Variants in SEPTIN4 observed in about 807,000 individuals in gnomAD.
SEPTIN4 encodes the protein septin 4.
Under a neutral mutation model 107.1 loss-of-function variants are expected in SEPTIN4, and 52 were observed. The observed-to-expected ratio is 0.49, with a 90% CI of 0.39 to 0.61. The LOEUF is 0.61. SEPTIN4 is among the 20% of genes least tolerant of loss of function. The probability of loss-of-function intolerance (pLI) is 0.00; values close to 1 mark genes in which losing one functional copy is unlikely to be tolerated. For synonymous variants in SEPTIN4, 417 were observed against 467.0 expected, an observed-to-expected ratio of 0.89 and a Z score of 1.38; for missense variants, 1,048 against 1,243.5, an observed-to-expected ratio of 0.84 and a Z score of 2.36.
In SEPTIN4 at chr17:58,525,107, A is replaced by G. The variant is rs2042702896; in HGVS notation, c.2187T>C (p.Gly729=). ...RLRLTIVDTP[G]FGDAVNNTEC... ...CTGTGTTGTTGACTGCATCCCCAAA[A>G]CCTGGTGTGTCCACAATGGTGAGCC... is the stretch of plus-strand genomic sequence containing the variant. The change falls in exon 7 of 14, where the codon GGT becomes GGC. Residue 729 remains glycine (G), a synonymous_variant. Coordinates refer to ENST00000672673, the MANE Select transcript of SEPTIN4 (RefSeq NM_001368771.2). 1 of 1,613,856 alleles carries G rather than the reference A, an allele frequency of 6.2e-7. No individual in the cohort carries two copies. The highest frequency in any genetic ancestry group is 1.1e-5 in the South Asian group (1 of 91,076).
At chr17:58,532,885 T>C (rs2043570216) in intron 3 of SEPTIN4, among the ~76,000 whole-genome samples, 1 of 152,100 alleles carries the variant, frequency 6.6e-6, no homozygotes, top group Non-Finnish European at 1.5e-5. Flanking sequence ...GGCAGATGCT[T>C]GGTGAGTGGG....
Position 58,520,321 on chromosome 17 carries a change from C to T in SEPTIN4, c.*105G>A, listed in dbSNP as rs1041525954. The T allele has an allele frequency of 1.3e-5, 13 of 1,013,042 alleles. No homozygotes were observed. The highest frequency in any genetic ancestry group is 4.3e-5 in the Admixed American group (2 of 46,096). The allele number at this position is 1,013,042 out of a possible 1,614,324, so 62.8% of individuals were successfully genotyped here. A position where few individuals can be genotyped will look rare whatever the true frequency, so the allele number is the denominator to read the frequency against. On this transcript the variant is annotated 3_prime_UTR_variant, in exon 14 of 14. Coordinates refer to ENST00000672673, the MANE Select transcript of SEPTIN4 (RefSeq NM_001368771.2). ...CTGGGCAGTCAGCAGGGATGTAAGG[C>T]GAAGTGGCAGTAGCTGAAGGGGCCT...
At chr17:58,527,698 G>A in intron 3 of SEPTIN4, 1 of 336,704 alleles carries the variant, frequency 3.0e-6, no homozygotes, top group Non-Finnish European at 4.2e-6. Context: ...ACTGTGGGTG[G>A]GAGGCAGCTG....
At chr17:58,526,435 T>C in intron 4 of SEPTIN4, 122 bp from the exon 5 acceptor site, 3 of 1,384,378 alleles carry the variant, frequency 2.2e-6, no homozygotes, top group Non-Finnish European at 1.9e-6. Flanking sequence ...GCCAGACTTC[T>C]GTGAGTTCCC....
chr17:58,543,520 A>T lies in SEPTIN4; in HGVS notation c.667T>A (p.Ser223Thr). 6.2e-7 allele frequency: 1 copy of T among 1,614,118 alleles called. No homozygotes were observed. Among genetic ancestry groups the T allele is most frequent in the Non-Finnish European group, 8.5e-7 (1 of 1,180,016 alleles). ...TSEIRSPRSP[S>T]LLEHGSSCVS... is the part of the protein sequence containing the mutation. The stretch of plus-strand genomic sequence containing the variant: ...CAGCTGCTTCCGTGCTCTAGGAGAG[A>T]GGGACTCCTTGGAGATCTGATCTCA... Residue 223 changes from serine (S) to threonine (T), a missense_variant, in exon 1 of 14, where the codon TCT (serine) becomes ACT (threonine). Coordinates refer to ENST00000672673, the MANE Select transcript of SEPTIN4 (RefSeq NM_001368771.2).
intron 3 of SEPTIN4, chr17:58,529,084 C>G (rs370953990): frequency 6.2e-7 from 1 of 1,611,288 alleles, no homozygotes; most frequent in Non-Finnish European, 8.5e-7. Context: ...AGACAGGTCA[C>G]GTCCACCCAT....
chr17:58,542,068 C>G (rs907503469), intron 1 of SEPTIN4, 102 bp from the exon 2 acceptor site: 15 of 1,378,526 alleles, frequency 1.1e-5, no homozygotes, highest in Non-Finnish European at 1.4e-5. Flanking sequence ...TTTCTCCACT[C>G]AAAGGTGCCC....
chr17:58,540,608 T>C, intron 3 of SEPTIN4, 58 bp downstream of exon 3: 2 of 1,283,826 alleles, frequency 1.6e-6, no homozygotes, highest in Non-Finnish European at 2.0e-6. Context: ...AGGAGATGGA[T>C]TTGGATTGTG....
At chr17:58,540,366 T>C (rs1262685993) in intron 3 of SEPTIN4, among the ~76,000 whole-genome samples, 1 of 152,254 alleles carries the variant, frequency 6.6e-6, no homozygotes, top group Non-Finnish European at 1.5e-5. Flanking sequence ...AGTCATCATC[T>C]GCCAAAAGGT....
intron 3 of SEPTIN4, chr17:58,527,308 T>C: frequency 2.1e-6 from 1 of 480,698 alleles, no homozygotes; most frequent in Non-Finnish European, 3.9e-6. Flanking sequence ...TGAGGCTGCC[T>C]TTCCTGGGGT....
intron 7 of SEPTIN4, among the ~76,000 whole-genome samples, chr17:58,523,265 C>A (rs1426580974): frequency 2.0e-5 from 3 of 151,472 alleles, no homozygotes; most frequent in Non-Finnish European, 2.9e-5. Context: ...GTACCAGCTA[C>A]TTGGGAGGTT....
intron 7 of SEPTIN4, 94 bp downstream of exon 7, chr17:58,524,984 C>T: frequency 6.5e-7 from 1 of 1,548,024 alleles, no homozygotes; most frequent in Non-Finnish European, 8.8e-7. Flanking sequence ...CCGCTTCCTC[C>T]TGATAAGTAT....
intron 3 of SEPTIN4, chr17:58,527,902 T>C (rs527645257): frequency 3.0e-6 from 3 of 985,708 alleles, no homozygotes; most frequent in South Asian, 4.7e-5. Context: ...AGGCAGAGAA[T>C]GGACTGACTC....
At chr17:58,525,827 A>G (rs1170242296) in intron 5 of SEPTIN4, 46 bp from the exon 6 acceptor site, 3 of 1,542,132 alleles carry the variant, frequency 1.9e-6, no homozygotes, top group Non-Finnish European at 1.8e-6. Context: ...GGTAAGATCT[A>G]TAGCCAAAAA....
intron 3 of SEPTIN4, chr17:58,530,670 T>C (rs904668557): frequency 1.3e-5 from 2 of 152,390 alleles, no homozygotes; most frequent in Admixed American, 6.5e-5. Flanking sequence ...CTCTAGCCCC[T>C]GCTGGGCTTG....
In SEPTIN4 at chr17:58,543,862, T is replaced by C. The variant is rs746776556; in HGVS notation, c.325A>G (p.Thr109Ala). ...GAAGCATGGGAAGCCAGTGTCTGAG[T>C]CTTCTGGCTCTTTAGATGGGGAGAG... ...HSSPHLKSQKTQTLASHASSR... is the reference protein window; with the variant it reads ...HSSPHLKSQKAQTLASHASSR... The change falls in exon 1 of 14, where the codon ACT becomes GCT. Residue 109 changes from threonine to alanine, a missense_variant. Physicochemically the swap from Thr to Ala is moderately conservative, Grantham distance 58 (BLOSUM62 0). Coordinates refer to ENST00000672673, the MANE Select transcript of SEPTIN4 (RefSeq NM_001368771.2). The C allele has an allele frequency of 6.8e-6, 11 of 1,614,136 alleles. No homozygotes were observed. The Admixed American group carries it at 1.2e-4, about 17-fold the overall frequency.
intron 3 of SEPTIN4, chr17:58,528,155 G>T: frequency 2.8e-6 from 1 of 354,022 alleles, no homozygotes; most frequent in African/African-American, 2.2e-5. Flanking sequence ...AGCCAGTGGG[G>T]ACTACCCCAG....
chr17:58,526,446 A>G (rs2042884874), intron 4 of SEPTIN4, 133 bp from the exon 5 acceptor site: 5 of 1,385,706 alleles, frequency 3.6e-6, no homozygotes, highest in Non-Finnish European at 4.7e-6. Flanking sequence ...GTGAGTTCCC[A>G]TCTGAGGCCA....
At position 58,543,200 on chromosome 17, in the gene SEPTIN4, G is replaced by A. The variant is rs775109901; in HGVS notation, c.987C>T (p.Ser329=). The A allele has an allele frequency of 4.3e-5, 70 of 1,613,986 alleles. No individual in the cohort carries two copies. Among genetic ancestry groups the A allele is most frequent in the Non-Finnish European group, 5.3e-5 (63 of 1,180,016 alleles). The stretch of plus-strand genomic sequence containing the variant: ...AGATGGTGACCCTGCGGCCAACCTC[G>A]CTGTTTCCTCGGATTGGGGTCCTCA... ...SNVRTPIRGN[S]EVGRRVTISP... The change falls in exon 1 of 14, where the codon AGC becomes AGT. Residue 329 remains serine (S), a synonymous_variant. Transcript: ENST00000672673.
Sources: allele counts gnomAD v4.1 joint callset (sites outside exome capture counted in the v4.1 genomes callset), GRCh38; gene constraint gnomAD v4.1.1; transcripts MANE v1.5; gene names NCBI Gene and HGNC (gene_info 2026-07-23, HGNC 2026-07-21).